Variants in ZP3 observed in about 807,000 individuals in gnomAD.
The protein encoded by ZP3 is zona pellucida sperm-binding protein 3.
In ZP3, 21 loss-of-function variants were observed where a neutral mutation model predicts 35.6. That is an observed-to-expected ratio of 0.59 (90% CI 0.42 to 0.85). The LOEUF is 0.85. Ranked by LOEUF, ZP3 falls within the 40% of genes least tolerant of loss-of-function variation. ZP3 has a pLI of 0.00. For missense variants in ZP3, 437 were observed against 536.5 expected (o/e 0.81, Z 1.83); for synonymous variants, 207 against 214.5 (o/e 0.96, Z 0.31).
chr7:76,408,231 C>G lies in ZP3; in HGVS notation c.-67+10434C>G, dbSNP rs546412017. On this transcript the variant is annotated intron_variant, in intron 1 of 8. Coordinates refer to the ZP3 transcript ENST00000336517. ...TTACCTGTGCCCTGGTGTACAAAGT[C>G]TGGTTGGGGAGAAGATGAAAGCCTA... Among the ~76,000 whole-genome samples the G allele has an allele frequency of 2.0e-5, 3 of 152,144 alleles. No individual in the cohort carries two copies. In the South Asian group the frequency reaches 6.2e-4, roughly 32 times the overall value.
At chr7:76,433,864 A>G (rs1805912426) in intron 4 of ZP3, 174 bp from the exon 5 acceptor site, 1 of 1,119,388 alleles carries the variant, frequency 8.9e-7, no homozygotes, top group African/African-American at 1.6e-5. Flanking sequence ...ATGCCTGGCT[A>G]ATTTTTGTAT....
intron 1 of ZP3, among the ~76,000 whole-genome samples, chr7:76,402,448 C>G (rs1804863754): frequency 6.6e-6 from 1 of 152,044 alleles, no homozygotes; most frequent in African/African-American, 2.4e-5. Flanking sequence ...TCCCAAAGTG[C>G]TAGGATTACA....
intron 1 of ZP3, among the ~76,000 whole-genome samples, chr7:76,409,184 T>G (rs1450094035): frequency 6.6e-6 from 1 of 152,022 alleles, no homozygotes; most frequent in East Asian, 1.9e-4. Flanking sequence ...CAGGAAATGT[T>G]TGTTGAGTGA....
intron 1 of ZP3, among the ~76,000 whole-genome samples, chr7:76,410,408 A>G (rs913881787): frequency 3.3e-5 from 5 of 150,108 alleles, no homozygotes; most frequent in African/African-American, 1.2e-4. Context: ...CTGGAGTGCA[A>G]TGGTGTGATC....
intron 1 of ZP3, among the ~76,000 whole-genome samples, chr7:76,404,013 C>T (rs1804918147): frequency 6.6e-6 from 1 of 152,026 alleles, no homozygotes; most frequent in African/African-American, 2.4e-5. Flanking sequence ...ATCTCTTTTA[C>T]CAGCTGTCTT....
chr7:76,435,871 C>G (rs1375329145), intron 5 of ZP3, among the ~76,000 whole-genome samples: 1 of 151,266 alleles, frequency 6.6e-6, no homozygotes, highest in Non-Finnish European at 1.5e-5. Context: ...ATTGTAGGCG[C>G]CTGCCACCAT....
intron 1 of ZP3, among the ~76,000 whole-genome samples, chr7:76,406,948 T>G (rs750702729): frequency 3.3e-5 from 5 of 151,460 alleles, no homozygotes; most frequent in Admixed American, 6.6e-5. Flanking sequence ...TTTCTTCTGA[T>G]TTAAATTATT....
At chr7:76,412,780 C>T (rs1584042972) in intron 1 of ZP3, among the ~76,000 whole-genome samples, 2 of 150,496 alleles carry the variant, frequency 1.3e-5, no homozygotes, top group African/African-American at 4.9e-5. Context: ...ACCCGGGAGG[C>T]GGAAGTTGCA....
intron 1 of ZP3, among the ~76,000 whole-genome samples, chr7:76,401,968 C>G (rs1240768831): frequency 6.6e-6 from 1 of 152,106 alleles, no homozygotes; most frequent in African/African-American, 2.4e-5. Context: ...TGGGATTCAT[C>G]ATATTTCCCT....
At chr7:76,413,996 TTC>T (rs1469850327) in intron 1 of ZP3, among the ~76,000 whole-genome samples, 2 of 115,782 alleles carry the variant, frequency 1.7e-5, no homozygotes, top group African/African-American at 8.0e-5. Flanking sequence ...TTCCTTCTTC[TTC>T]TTTTTTTTTT....
intron 1 of ZP3, among the ~76,000 whole-genome samples, chr7:76,403,642 A>G (rs571046027): frequency 1.3e-5 from 2 of 148,542 alleles, no homozygotes; most frequent in Non-Finnish European, 3.0e-5. Flanking sequence ...GGCTGATTCA[A>G]CTTATTCTTA....
intron 1 of ZP3, among the ~76,000 whole-genome samples, chr7:76,426,253 C>T (rs1236598737): frequency 2.0e-5 from 3 of 152,154 alleles, no homozygotes; most frequent in Middle Eastern, 3.2e-3. Flanking sequence ...GCCAGACCTC[C>T]CTTTCCCTAG....
intron 1 of ZP3, among the ~76,000 whole-genome samples, chr7:76,418,672 C>T (rs1449014292): frequency 2.0e-5 from 3 of 151,010 alleles, no homozygotes; most frequent in African/African-American, 7.3e-5. Context: ...CCAGCTAACA[C>T]GGTAAAACTC....
chr7:76,436,040 T>C (rs1584070691), intron 5 of ZP3, among the ~76,000 whole-genome samples: 775 of 22,854 alleles, frequency 0.034, no homozygotes, highest in South Asian at 0.041. Flanking sequence ...CTTTTTTTTT[T>C]TTTTTTTTTT....
chr7:76,406,540 G>A (rs1277162895), intron 1 of ZP3, among the ~76,000 whole-genome samples: 1 of 151,766 alleles, frequency 6.6e-6, no homozygotes, highest in Non-Finnish European at 1.5e-5. Flanking sequence ...CGGCAGTGCA[G>A]TGGCATGATC....
chr7:76,429,437 C>T (rs1805764982), intron 1 of ZP3, 78 bp from the exon 2 acceptor site: 2 of 1,402,272 alleles, frequency 1.4e-6, no homozygotes, highest in Non-Finnish European at 2.0e-6. Flanking sequence ...GGGCTGCCCT[C>T]CCTGAGCACT....
At chr7:76,438,286 G>A (rs1366326752) in intron 5 of ZP3, among the ~76,000 whole-genome samples, 2 of 152,038 alleles carry the variant, frequency 1.3e-5, no homozygotes, top group Non-Finnish European at 2.9e-5. Flanking sequence ...GGCCAGGTAC[G>A]GTGGCTCATG....
At chr7:76,441,257 G>A (rs1486267786) in intron 7 of ZP3, among the ~76,000 whole-genome samples, 1 of 151,240 alleles carries the variant, frequency 6.6e-6, no homozygotes, top group Non-Finnish European at 1.5e-5. Flanking sequence ...GAAATCGCTT[G>A]AGCCCCATGA....
intron 1 of ZP3, among the ~76,000 whole-genome samples, chr7:76,406,153 T>G (rs1805022775): frequency 6.6e-6 from 1 of 152,012 alleles, no homozygotes; most frequent in African/African-American, 2.4e-5. Flanking sequence ...GCCCGGCTCA[T>G]TTTTTGTAGA....
Sources: gnomAD v4.1 joint callset for allele counts (sites outside exome capture counted in the v4.1 genomes callset) on GRCh38, gnomAD v4.1.1 for gene constraint, MANE v1.5 for transcripts, NCBI Gene and HGNC (gene_info 2026-07-23, HGNC 2026-07-21) for gene names.